PKHD1L1: variants seen among roughly 807,000 people sequenced by gnomAD.
PKHD1L1 encodes the protein PKHD1 like 1.
A neutral mutation model predicts 462.9 loss-of-function variants in PKHD1L1; 434 were observed. The ratio of observed to expected loss-of-function variants is 0.94; its 90% CI spans 0.87 to 1.02. The LOEUF is 1.02. PKHD1L1 is among the 50% of genes least tolerant of loss of function. The pLI, the probability that PKHD1L1 is intolerant of heterozygous loss-of-function variation, is 0.00. For synonymous variants in PKHD1L1, 1,781 were observed against 1,750.0 expected, an observed-to-expected ratio of 1.02 and a Z score of -0.44; for missense variants, 5,202 against 5,096.1, an observed-to-expected ratio of 1.02 and a Z score of -0.63.
intron 10 of PKHD1L1, among the ~76,000 whole-genome samples, chr8:109,395,725 TGC>T (rs528960402): frequency 1.6e-4 from 24 of 152,324 alleles, no homozygotes; most frequent in Admixed American, 1.6e-3. Flanking sequence ...TGGTTCTACC[TGC>T]CTTCGTGCTC....
At chr8:109,404,788 A>G in intron 15 of PKHD1L1, 75 bp downstream of exon 15, 2 of 1,382,416 alleles carry the variant, frequency 1.4e-6, no homozygotes, top group Non-Finnish European at 1.9e-6. Flanking sequence ...TATTAATTTT[A>G]CTAGGTAAGA....
In PKHD1L1 at chr8:109,454,786, T is replaced by A; in HGVS notation, c.6808T>A (p.Ser2270Thr). Residue 2270 changes from serine (S) to threonine (T), a missense_variant, in exon 45 of 78, where the codon TCT becomes ACT. This residue lies in a region of PKHD1L1 where 4,497 missense variants were observed against 4,336.8 expected (regional missense o/e 1.04). Coordinates refer to ENST00000378402, the MANE Select transcript of PKHD1L1 (RefSeq NM_177531.6). ...CATTACCTTGCATGGTCACCTGCGA[T>A]CTCCTGAGCTCCCTGTCTATGGTGC... ...AVITLHGHLR[S>T]PELPVYGAKT... 6.2e-7 allele frequency: 1 copy of A among 1,613,818 alleles called. No individual in the cohort carries two copies. The highest frequency in any genetic ancestry group is 1.3e-5 in the African/African-American group (1 of 75,008).
In PKHD1L1 at chr8:109,445,083, CTGCACCTT is replaced by C; in HGVS notation, c.5216_5223del (p.Cys1739PhefsTer27). The C allele has an allele frequency of 6.2e-7, 1 of 1,613,978 alleles. No homozygotes were observed. Among genetic ancestry groups the C allele is most frequent in the Non-Finnish European group, 8.5e-7 (1 of 1,179,882 alleles). On this transcript the variant is annotated frameshift_variant, in exon 38 of 78. Transcript: ENST00000378402. LOFTEE classifies it high-confidence loss of function. ...GAGTGCCTGCCCAGTGCCAGGGAAACTGCACCTTTTCATACTTAGAAAGCATCACTCCT... is the reference window on the plus strand; with the variant it reads ...GAGTGCCTGCCCAGTGCCAGGGAAACTTCATACTTAGAAAGCATCACTCCT...
At chr8:109,440,413 C>A (rs1320013074) in intron 32 of PKHD1L1, among the ~76,000 whole-genome samples, 2 of 151,940 alleles carry the variant, frequency 1.3e-5, no homozygotes, top group Non-Finnish European at 2.9e-5. Flanking sequence ...TAATGTATTT[C>A]TTGTGACCTC....
At chr8:109,449,095 A>C (rs1326076081) in intron 39 of PKHD1L1, among the ~76,000 whole-genome samples, 1 of 152,144 alleles carries the variant, frequency 6.6e-6, no homozygotes, top group Non-Finnish European at 1.5e-5. Context: ...ATAAAATTTT[A>C]GTTCCTCGAA....
At chr8:109,363,310 G>T (rs776413899) in intron 1 of PKHD1L1, among the ~76,000 whole-genome samples, 2 of 152,076 alleles carry the variant, frequency 1.3e-5, no homozygotes, top group Non-Finnish European at 2.9e-5. Context: ...ATGAATGTGC[G>T]GGAATAAGAA....
intron 2 of PKHD1L1, among the ~76,000 whole-genome samples, chr8:109,379,119 C>T (rs1811982738): frequency 6.6e-6 from 1 of 152,126 alleles, no homozygotes; most frequent in African/African-American, 2.4e-5. Flanking sequence ...TTGCTGAATA[C>T]CGGAACTGCC....
rs1812302115 is a variant in PKHD1L1, at chr8:109,384,015, A to G, written c.418-55A>G. ...TAATGTAAGAAATTATCTATTTCAC[A>G]AAACTAGAAACAAAACAGAGATAAG... On this transcript the variant is annotated intron_variant, in intron 4 of 77. Transcript: ENST00000378402. 6.6e-6 allele frequency: 8 copies of G among 1,215,424 alleles called. No homozygotes were observed. In the Admixed American group the frequency reaches 1.2e-4, roughly 19 times the overall value. 75.3% of individuals were successfully genotyped at this position (1,215,424 alleles called of 1,614,324 possible). A position where few individuals can be genotyped will look rare whatever the true frequency, so the allele number is the denominator to read the frequency against.
intron 19 of PKHD1L1, 101 bp from the exon 20 acceptor site, chr8:109,412,164 A>T: frequency 2.6e-6 from 3 of 1,142,486 alleles, no homozygotes; most frequent in Non-Finnish European, 3.7e-6. Flanking sequence ...TCAGGGAAAC[A>T]ATGGGATCTG....
chr8:109,396,797 G>A (rs145141616), intron 11 of PKHD1L1, among the ~76,000 whole-genome samples: 97 of 152,298 alleles, frequency 6.4e-4, no homozygotes, highest in African/African-American at 2.2e-3. Flanking sequence ...CTATTGCTAG[G>A]CAGGGGACAG....
chr8:109,364,732 A>G (rs1300091446), intron 2 of PKHD1L1, 96 bp downstream of exon 2: 4 of 797,656 alleles, frequency 5.0e-6, no homozygotes, highest in Non-Finnish European at 5.9e-6. Flanking sequence ...ACAAACAAGC[A>G]CCACTGGAGT....
chr8:109,529,282 C>A (rs955479705), intron 77 of PKHD1L1, among the ~76,000 whole-genome samples: 2 of 152,120 alleles, frequency 1.3e-5, no homozygotes, highest in Non-Finnish European at 2.9e-5. Flanking sequence ...GCATAGTTTG[C>A]AGAGACCTTG....
At chr8:109,493,090 G>C (rs964935129) in intron 62 of PKHD1L1, among the ~76,000 whole-genome samples, 3 of 151,132 alleles carry the variant, frequency 2.0e-5, no homozygotes, top group Non-Finnish European at 4.4e-5. Flanking sequence ...CTAGCTACTT[G>C]GGAGGTTGAG....
Position 109,464,362 on chromosome 8 carries a change from T to A in PKHD1L1, c.7530T>A (p.His2510Gln), listed in dbSNP as rs1817304579. 6.2e-7 allele frequency: 1 copy of A among 1,613,256 alleles called. No individual in the cohort carries two copies. Among genetic ancestry groups the A allele is most frequent in the Non-Finnish European group, 8.5e-7 (1 of 1,179,614 alleles). Residue 2510 changes from histidine to glutamine, a missense_variant, in exon 49 of 78, where the codon CAT (histidine) becomes CAA (glutamine). By Grantham distance (24) the His-to-Gln change is conservative. Around this residue, in one of 3 missense-constraint regions of PKHD1L1, gnomAD observed 4,497 missense variants for 4,336.8 expected, o/e 1.04. Transcript: ENST00000378402. ...CTGTTACTATTCATAACACACACCATCTTCTGGTTGAGAGGAATATTATAT... is the reference window on the plus strand; with the variant it reads ...CTGTTACTATTCATAACACACACCAACTTCTGGTTGAGAGGAATATTATAT... ...NRAVTIHNTH[H>Q]LLVERNIIYD...
At chr8:109,393,256 C>T (rs1295304845) in intron 9 of PKHD1L1, among the ~76,000 whole-genome samples, 1 of 151,532 alleles carries the variant, frequency 6.6e-6, no homozygotes, top group East Asian at 1.9e-4. Context: ...GTTAGATTTA[C>T]AGGAGCATTA....
chr8:109,409,817 C>T, intron 18 of PKHD1L1, 48 bp from the exon 19 acceptor site: 1 of 1,110,682 alleles, frequency 9.0e-7, no homozygotes, highest in South Asian at 1.5e-5. Flanking sequence ...TACGAGTGTT[C>T]TAACTTTTCA....
intron 50 of PKHD1L1, among the ~76,000 whole-genome samples, chr8:109,472,185 A>G (rs1329810774): frequency 3.3e-5 from 5 of 152,112 alleles, no homozygotes; most frequent in Admixed American, 6.6e-5. Flanking sequence ...TTTTGTTTTT[A>G]CTGTATGTTT....
At chr8:109,483,445 T>G (rs1250097731) in intron 57 of PKHD1L1, among the ~76,000 whole-genome samples, 2 of 149,084 alleles carry the variant, frequency 1.3e-5, no homozygotes, top group African/African-American at 2.4e-5. Context: ...CTAATATATA[T>G]TATGTATATA....
intron 4 of PKHD1L1, among the ~76,000 whole-genome samples, chr8:109,382,980 TA>T (rs1305973116): frequency 1.4e-5 from 2 of 146,390 alleles, no homozygotes; most frequent in African/African-American, 5.0e-5. Context: ...TTAGCTGCCC[TA>T]AATAGAAGTA....
Sources: gnomAD v4.1 joint callset for allele counts (sites outside exome capture counted in the v4.1 genomes callset) on GRCh38, gnomAD v4.1.1 for gene constraint, gnomAD v4.1.1 regional missense constraint, MANE v1.5 for transcripts, NCBI Gene and HGNC (gene_info 2026-07-23, HGNC 2026-07-21) for gene names.